Variants in CATSPERB observed in about 807,000 individuals in gnomAD.
The protein encoded by CATSPERB is catsper channel auxiliary subunit beta.
Under a neutral mutation model 128.3 loss-of-function variants are expected in CATSPERB, and 93 were observed. That is an observed-to-expected ratio of 0.72 (90% confidence interval 0.61 to 0.86). The LOEUF is 0.86. Ranked by LOEUF, CATSPERB falls within the 40% of genes least tolerant of loss-of-function variation. The pLI, the probability that CATSPERB is intolerant of heterozygous loss-of-function variation, is 0.00. For missense variants in CATSPERB, 1,153 were observed against 1,329.5 expected (o/e 0.87, Z 2.06); for synonymous variants, 381 against 448.8 (o/e 0.85, Z 1.91).
At chr14:91,591,029 C>G (rs1372772783) in intron 23 of CATSPERB, among the ~76,000 whole-genome samples, 1 of 151,790 alleles carries the variant, frequency 6.6e-6, no homozygotes, top group Non-Finnish European at 1.5e-5. Flanking sequence ...TGAAATTGAT[C>G]TGTTTGAAAG....
chr14:91,670,613 G>C (rs944861893), intron 13 of CATSPERB, among the ~76,000 whole-genome samples: 1 of 152,010 alleles, frequency 6.6e-6, no homozygotes, highest in Non-Finnish European at 1.5e-5. Flanking sequence ...CCAGGAGTTA[G>C]AGTCTGTGGT....
rs370165453 is a variant in CATSPERB at position 91,594,321 on chromosome 14, CTG to C, written c.2710-2321_2710-2320del. Among the ~76,000 whole-genome samples, 265 of 150,810 alleles carry C rather than the reference CTG, an allele frequency of 1.8e-3. 3 individuals are homozygous for C. The East Asian group carries it at 0.049, about 28-fold the overall frequency. On this transcript the variant is annotated intron_variant, in intron 22 of 26. Coordinates refer to ENST00000256343, the MANE Select transcript of CATSPERB (RefSeq NM_024764.4). Reference sequence around the variant, plus strand: ...GAAGGGGAACATCACACACCAGGGACTGTTGTGGGGTGGGGGGATGGGGGAGG... The same window carrying C: ...GAAGGGGAACATCACACACCAGGGACTTGTGGGGTGGGGGGATGGGGGAGG...
chr14:91,597,944 C>A (rs1328444317), intron 22 of CATSPERB, among the ~76,000 whole-genome samples: 1 of 151,052 alleles, frequency 6.6e-6, no homozygotes, highest in Non-Finnish European at 1.5e-5. Context: ...CCTAAGCAAA[C>A]CAAAATTTAA....
Position 91,709,954 on chromosome 14 carries a change from G to C in CATSPERB, c.371-1718C>G, listed in dbSNP as rs549156837. On this transcript the variant is annotated intron_variant, in intron 5 of 26. Transcript: ENST00000256343. Reference sequence around the variant, plus strand: ...TCTGTTTGATGGTGACACTATCCCTGCTCATTCTAAACACAGAAGAAGTAT... The same window carrying C: ...TCTGTTTGATGGTGACACTATCCCTCCTCATTCTAAACACAGAAGAAGTAT... 71 of 152,532 alleles carry C rather than the reference G, an allele frequency of 4.7e-4. 1 individual carries two copies. Among genetic ancestry groups the C allele is most frequent in the African/African-American group, 1.6e-3 (68 of 41,516 alleles). The allele number at this position is 152,532 out of a possible 1,614,324, so 9.4% of individuals were successfully genotyped here.
At chr14:91,682,780 G>T (rs955839650) in intron 11 of CATSPERB, among the ~76,000 whole-genome samples, 1 of 152,184 alleles carries the variant, frequency 6.6e-6, no homozygotes, top group Admixed American at 6.5e-5. Flanking sequence ...AGAATTACAA[G>T]TAGAGGCCCT....
At chr14:91,632,257 G>A (rs566933263) in intron 17 of CATSPERB, among the ~76,000 whole-genome samples, 7 of 151,990 alleles carry the variant, frequency 4.6e-5, no homozygotes, top group African/African-American at 9.6e-5. Context: ...AGTATACCAC[G>A]AAAATATTAT....
At chr14:91,602,785 T>C (rs1424163265) in intron 22 of CATSPERB, among the ~76,000 whole-genome samples, 2 of 152,222 alleles carry the variant, frequency 1.3e-5, no homozygotes, top group Non-Finnish European at 2.9e-5. Flanking sequence ...ATCCATGTTG[T>C]CATCACTGTC....
intron 15 of CATSPERB, among the ~76,000 whole-genome samples, chr14:91,652,504 C>G (rs1327387909): frequency 9.0e-6 from 1 of 111,726 alleles, no homozygotes; most frequent in Non-Finnish European, 1.9e-5. Flanking sequence ...ACTAACAATA[C>G]AAAAAAAAAA....
intron 26 of CATSPERB, among the ~76,000 whole-genome samples, chr14:91,583,373 C>T (rs541556024): frequency 3.9e-5 from 6 of 152,186 alleles, no homozygotes; most frequent in East Asian, 1.9e-4. Context: ...GAGCCGAGAT[C>T]GTGCCATGGC....
intron 15 of CATSPERB, among the ~76,000 whole-genome samples, 169 bp from the exon 16 acceptor site, chr14:91,639,419 C>T (rs1393301455): frequency 1.3e-5 from 2 of 152,098 alleles, no homozygotes; most frequent in Admixed American, 1.3e-4. Flanking sequence ...CCCTGGAAAG[C>T]CTTTTCCAGA....
chr14:91,585,980 G>A lies in CATSPERB; in HGVS notation c.3132+1222C>T, dbSNP rs188053574. Among the ~76,000 whole-genome samples the A allele has an allele frequency of 2.5e-3, 378 of 152,302 alleles. 1 individual carries two copies. Among genetic ancestry groups the A allele is most frequent in the Non-Finnish European group, 4.6e-3 (311 of 68,020 alleles). Reference sequence around the variant, plus strand: ...TGCCTCACCTTCTGTGTGGGTGGTGGTTTCAATGTCAGTTCAGTTTTCCAA... The same window carrying A: ...TGCCTCACCTTCTGTGTGGGTGGTGATTTCAATGTCAGTTCAGTTTTCCAA... On this transcript the variant is annotated intron_variant, in intron 26 of 26. Coordinates refer to ENST00000256343, the MANE Select transcript of CATSPERB (RefSeq NM_024764.4).
rs761746535 is a variant in CATSPERB at position 91,639,244 on chromosome 14, C to T, written c.1439G>A (p.Gly480Glu). The change falls in exon 16 of 27, where the codon GGA becomes GAA. Residue 480 changes from glycine to glutamate, a missense_variant. Gly to Glu is a moderately conservative substitution (Grantham distance 98). Transcript: ENST00000256343. ...GKVYSTKAGM[G>E]RYSAVGSVTE... ...AACACTTCCGACTGCACTGTATCTTCCCATTCCTATTAGGAAATACAGAGA... is the reference window on the plus strand; with the variant it reads ...AACACTTCCGACTGCACTGTATCTTTCCATTCCTATTAGGAAATACAGAGA... 6.2e-7 allele frequency: 1 copy of T among 1,612,662 alleles called. No homozygotes were observed. Among genetic ancestry groups the T allele is most frequent in the Admixed American group, 1.7e-5 (1 of 59,866 alleles).
intron 15 of CATSPERB, among the ~76,000 whole-genome samples, chr14:91,658,805 T>C (rs111352108): frequency 8.2e-4 from 120 of 145,618 alleles, no homozygotes; most frequent in African/African-American, 2.9e-3. Flanking sequence ...AGGAGGTAAA[T>C]TTACTTCCAT....
chr14:91,666,652 T>A (rs1894988756), intron 14 of CATSPERB, among the ~76,000 whole-genome samples: 5 of 152,180 alleles, frequency 3.3e-5, no homozygotes, highest in Admixed American at 3.3e-4. Flanking sequence ...CGTCTTAGTG[T>A]CAGAGGCTAT....
intron 15 of CATSPERB, among the ~76,000 whole-genome samples, chr14:91,649,331 A>ATGTGTGTGTGTG (rs55880138): frequency 6.8e-6 from 1 of 147,334 alleles, no homozygotes; most frequent in African/African-American, 2.5e-5. Flanking sequence ...GTATACATAT[A>ATGTGTGTGTGTG]TGTGTGTGTG....
At chr14:91,688,554 CTT>C (rs2139842976) in intron 10 of CATSPERB, among the ~76,000 whole-genome samples, 1 of 152,152 alleles carries the variant, frequency 6.6e-6, no homozygotes, top group Non-Finnish European at 1.5e-5. Flanking sequence ...TCTGAAAACT[CTT>C]TTGCTCACCT....
At chr14:91,630,278 C>T (rs1273904656) in intron 17 of CATSPERB, among the ~76,000 whole-genome samples, 1 of 152,122 alleles carries the variant, frequency 6.6e-6, no homozygotes, top group Non-Finnish European at 1.5e-5. Flanking sequence ...TCTTCTTAGC[C>T]CAGGCTCTCT....
At chr14:91,689,684 T>G (rs1001808766) in intron 10 of CATSPERB, among the ~76,000 whole-genome samples, 1 of 152,310 alleles carries the variant, frequency 6.6e-6, no homozygotes, top group South Asian at 2.1e-4. Context: ...TTCTTCCTTT[T>G]TGTAGAATAG....
At position 91,719,428 on chromosome 14, in the gene CATSPERB, T is replaced by C. The variant is rs1895993591; in HGVS notation, c.360A>G (p.Thr120=). ...TCAGATCACTCTTACCTGTGCTTTG[T>C]GTGATGTTTTCTCTAGGAATATCAA... ...WLVDIPRENI[T]QSTDIAAVEE... The change falls in exon 5 of 27, where the codon ACA becomes ACG. Residue 120 remains threonine (T), a synonymous_variant. Transcript: ENST00000256343. 2 of 1,610,860 alleles carry C rather than the reference T, an allele frequency of 1.2e-6. No individual in the cohort carries two copies. Among genetic ancestry groups the C allele is most frequent in the South Asian group, 1.1e-5 (1 of 90,566 alleles).
Sources: allele counts gnomAD v4.1 joint callset (sites outside exome capture counted in the v4.1 genomes callset), GRCh38; gene constraint gnomAD v4.1.1; transcripts MANE v1.5; gene names NCBI Gene and HGNC (gene_info 2026-07-23, HGNC 2026-07-21).